Variants in NRG1 observed in about 807,000 individuals in gnomAD.
NRG1 encodes the protein pro-neuregulin-1, membrane-bound isoform.
Under a neutral mutation model 63.8 loss-of-function variants are expected in NRG1, and 18 were observed. That is an observed-to-expected ratio of 0.28 (90% confidence interval 0.19 to 0.42). The LOEUF is 0.42. Among genes scored for constraint, NRG1 ranks in the 10% least tolerant of loss-of-function variants. The pLI is 1.00. For synonymous variants in NRG1, 302 were observed against 301.3 expected, an observed-to-expected ratio of 1.00 and a Z score of -0.02; for missense variants, 762 against 814.7, an observed-to-expected ratio of 0.94 and a Z score of 0.79.
At chr8:32,094,913 A>AT (rs35516200) in intron 1 of NRG1, among the ~76,000 whole-genome samples, 3,921 of 133,266 alleles carry the variant, frequency 0.029, 79 homozygotes, top group South Asian at 0.064. Context: ...TAATTTCAGC[A>AT]TTTTTTTTTT....
chr8:32,409,520 C>A (rs140622201), intron 1 of NRG1, among the ~76,000 whole-genome samples: 1 of 152,276 alleles, frequency 6.6e-6, no homozygotes, highest in African/African-American at 2.4e-5. Context: ...CAATGAAGGG[C>A]TGATATCTAG....
At chr8:32,662,463 G>C (rs1408187284) in intron 5 of NRG1, among the ~76,000 whole-genome samples, 1 of 152,176 alleles carries the variant, frequency 6.6e-6, no homozygotes, top group Non-Finnish European at 1.5e-5. Context: ...TCCACCGAAA[G>C]AGATGAGGAA....
At chr8:32,077,457 T>C (rs541625294) in intron 1 of NRG1, among the ~76,000 whole-genome samples, 7 of 152,306 alleles carry the variant, frequency 4.6e-5, no homozygotes, top group African/African-American at 1.7e-4. Flanking sequence ...GTATTAACAG[T>C]GCTTATATCT....
chr8:32,497,916 C>A (rs756819668), intron 1 of NRG1, among the ~76,000 whole-genome samples: 1 of 152,148 alleles, frequency 6.6e-6, no homozygotes, highest in Non-Finnish European at 1.5e-5. Flanking sequence ...CTCCCCTTCC[C>A]GGGTTCAAGT....
chr8:31,718,540 T>G (rs2131294655), intron 1 of NRG1, among the ~76,000 whole-genome samples: 1 of 152,346 alleles, frequency 6.6e-6, no homozygotes, highest in Admixed American at 6.5e-5. Context: ...ATTCTCTGTT[T>G]TCTTCAATAA....
chr8:32,136,756 G>A (rs1835582153), intron 1 of NRG1: 1 of 152,144 alleles, frequency 6.6e-6, no homozygotes, highest in Non-Finnish European at 1.5e-5. Flanking sequence ...CGATAGGTAA[G>A]CCCGCATATT....
intron 5 of NRG1, among the ~76,000 whole-genome samples, chr8:32,695,578 C>T (rs2128947673): frequency 6.6e-6 from 1 of 152,278 alleles, no homozygotes; most frequent in African/African-American, 2.4e-5. Context: ...TTATACTGTT[C>T]TCTGTTGGAT....
chr8:32,642,994 T>G, intron 5 of NRG1, among the ~76,000 whole-genome samples: 1 of 152,250 alleles, frequency 6.6e-6, no homozygotes, highest in Non-Finnish European at 1.5e-5. Flanking sequence ...TGAATTGATG[T>G]AGCTGAGGAA....
chr8:31,673,319 T>G (rs949186312), intron 1 of NRG1, among the ~76,000 whole-genome samples: 1 of 152,158 alleles, frequency 6.6e-6, no homozygotes, highest in African/African-American at 2.4e-5. Context: ...CAGACACCAT[T>G]ACTCTTGCTG....
At chr8:31,931,699 C>T (rs1481208725) in intron 1 of NRG1, among the ~76,000 whole-genome samples, 1 of 152,126 alleles carries the variant, frequency 6.6e-6, no homozygotes, top group African/African-American at 2.4e-5. Context: ...TCTTGTGTCT[C>T]CAGGATTTCT....
intron 1 of NRG1, among the ~76,000 whole-genome samples, chr8:31,645,807 C>T (rs1804231399): frequency 6.6e-6 from 1 of 152,106 alleles, no homozygotes; most frequent in South Asian, 2.1e-4. Context: ...ACTAAAAAAT[C>T]AAAAAGAAGA....
At chr8:32,549,414 G>T (rs552972660) in intron 1 of NRG1, among the ~76,000 whole-genome samples, 1 of 152,328 alleles carries the variant, frequency 6.6e-6, no homozygotes, top group African/African-American at 2.4e-5. Context: ...GTGCTACGGA[G>T]ACTCAAGAGC....
At chr8:32,068,828 A>G (rs944621974) in intron 1 of NRG1, among the ~76,000 whole-genome samples, 10 of 152,176 alleles carry the variant, frequency 6.6e-5, no homozygotes, top group African/African-American at 2.4e-4. Flanking sequence ...CTACGTAACT[A>G]AGTCTTAGTG....
intron 1 of NRG1, among the ~76,000 whole-genome samples, chr8:32,274,833 G>C (rs1851921583): frequency 6.6e-6 from 1 of 152,072 alleles, no homozygotes; most frequent in South Asian, 2.1e-4. Flanking sequence ...TTGCTTTTTA[G>C]AAGAAGTAAA....
At chr8:32,075,812 G>A (rs1826414953) in intron 1 of NRG1, among the ~76,000 whole-genome samples, 1 of 151,998 alleles carries the variant, frequency 6.6e-6, no homozygotes, top group African/African-American at 2.4e-5. Context: ...AGCTGGGATT[G>A]CAGGCACAGG....
chr8:32,608,224 G>C (rs1413211198), intron 3 of NRG1, among the ~76,000 whole-genome samples: 3 of 151,086 alleles, frequency 2.0e-5, no homozygotes, highest in East Asian at 3.9e-4. Flanking sequence ...TGTCACCCAG[G>C]CTAGGGTGCA....
chr8:32,448,095 G>A lies in NRG1; in HGVS notation c.38-147733G>A, dbSNP rs758500735. 4.1e-4 allele frequency among the ~76,000 whole-genome samples: 63 copies of A among 152,102 alleles called. 1 individual carries two copies. Among genetic ancestry groups the A allele is most frequent in the Admixed American group, 2.9e-3 (44 of 15,270 alleles). ...TAGTTATATATGTTCACTTCAGTTT[G>A]AGTCTCCACTAAATTTTAACATGAA... On this transcript the variant is annotated intron_variant, in intron 1 of 10. Coordinates refer to the NRG1 transcript ENST00000519301.
At chr8:32,756,600 C>A in intron 9 of NRG1, 71 bp downstream of exon 9, 2 of 1,510,534 alleles carry the variant, frequency 1.3e-6, no homozygotes, top group East Asian at 4.8e-5. Flanking sequence ...AGTTTATTTT[C>A]GAAAGCTCTT....
At chr8:31,824,776 AT>A (rs2129604176) in intron 1 of NRG1, among the ~76,000 whole-genome samples, 1 of 152,340 alleles carries the variant, frequency 6.6e-6, no homozygotes, top group South Asian at 2.1e-4. Context: ...CACATTAGAC[AT>A]TTGTTAAATT....
Sources: gnomAD v4.1 joint callset for allele counts (sites outside exome capture counted in the v4.1 genomes callset) on GRCh38, gnomAD v4.1.1 for gene constraint, MANE v1.5 for transcripts, NCBI Gene and HGNC (gene_info 2026-07-23, HGNC 2026-07-21) for gene names.